The following ATAD2B variants were observed in gnomAD, a reference collection of about 807,000 sequenced individuals.
The protein encoded by ATAD2B is ATPase family AAA domain-containing protein 2B.
In ATAD2B, 40 loss-of-function variants were observed where a neutral mutation model predicts 167.6. That is an observed-to-expected ratio of 0.24 (90% CI 0.19 to 0.31). ATAD2B has a LOEUF of 0.31. Ranked by LOEUF, ATAD2B falls within the 10% of genes least tolerant of loss-of-function variation. The probability of loss-of-function intolerance (pLI) is 1.00; values close to 1 mark genes in which losing one functional copy is unlikely to be tolerated. For missense variants in ATAD2B, 1,242 were observed against 1,757.2 expected (o/e 0.71, Z 5.24); for synonymous variants, 579 against 596.5 (o/e 0.97, Z 0.43).
At chr2:23,712,106 G>A in the ATAD2B span, among the ~76,000 whole-genome samples, 102 of 152,250 alleles carry the variant, frequency 6.7e-4, no homozygotes, top group East Asian at 6.0e-3. Flanking sequence ...AGGCCACAGG[G>A]CCCTGAGACC....
chr2:23,869,631 A>C, intron 9 of ATAD2B, 32 bp downstream of exon 9: 2 of 1,427,128 alleles, frequency 1.4e-6, no homozygotes, highest in Non-Finnish European at 1.9e-6. Flanking sequence ...CCTTTTTTCT[A>C]CCATGGAAAT....
intron 14 of ATAD2B, chr2:23,832,499 A>T (rs747578986): frequency 1.0e-4 from 18 of 175,178 alleles, no homozygotes; most frequent in Non-Finnish European, 2.2e-4. Context: ...AATAAAATTT[A>T]AAATGCAGTT....
At chr2:23,872,659 G>C (rs1437613921) in intron 8 of ATAD2B, 4 of 1,346,780 alleles carry the variant, frequency 3.0e-6, no homozygotes, top group Non-Finnish European at 1.1e-6. Context: ...CATCATAGGA[G>C]AGCCTCCAGA....
chr2:23,820,950 A>C (rs968080362), intron 16 of ATAD2B, among the ~76,000 whole-genome samples: 4 of 152,214 alleles, frequency 2.6e-5, no homozygotes, highest in Admixed American at 6.5e-5. Flanking sequence ...CTCCGTCTCA[A>C]AACAAAAAAA....
At chr2:23,814,469 T>C (rs779887545) in intron 17 of ATAD2B, among the ~76,000 whole-genome samples, 6 of 152,124 alleles carry the variant, frequency 3.9e-5, no homozygotes, top group Admixed American at 2.0e-4. Context: ...TAGAGACTCA[T>C]AGAAGGCATT....
chr2:23,792,232 A>G (rs754056913), intron 19 of ATAD2B, among the ~76,000 whole-genome samples: 6 of 152,098 alleles, frequency 3.9e-5, no homozygotes, highest in Non-Finnish European at 5.9e-5. Flanking sequence ...TATTTTTAGT[A>G]GAGACGGGGT....
intron 6 of ATAD2B, chr2:23,883,718 T>C: frequency 1.5e-6 from 1 of 673,582 alleles, no homozygotes; most frequent in Non-Finnish European, 2.2e-6. Flanking sequence ...AAATATTAAC[T>C]ACAGAATTTT....
At chr2:23,872,376 C>T (rs1696128052) in intron 8 of ATAD2B, 3 of 664,634 alleles carry the variant, frequency 4.5e-6, no homozygotes, top group Non-Finnish European at 8.5e-6. Flanking sequence ...GAATACTAGT[C>T]GGCAGGTTCA....
chr2:23,805,975 G>A (rs184450978), intron 18 of ATAD2B, among the ~76,000 whole-genome samples: 44 of 152,098 alleles, frequency 2.9e-4, no homozygotes, highest in African/African-American at 1.0e-3. Flanking sequence ...CCCATATTTA[G>A]AAAACTTGTT....
At position 23,865,018 on chromosome 2, in the gene ATAD2B, CA is replaced by C. The variant is rs1050147153; in HGVS notation, c.1189-95del. 1.0e-4 allele frequency: 68 copies of C among 668,596 alleles called. No homozygotes were observed. In the Admixed American group the frequency reaches 1.1e-3, roughly 11 times the overall value. The allele number at this position is 668,596 out of a possible 1,614,324, so 41.4% of individuals were successfully genotyped here. On this transcript the variant is annotated intron_variant, in intron 10 of 27. Transcript: ENST00000238789. Reference sequence around the variant, plus strand: ...AAAAGAGTCTTACGATTCAGAAATACATGCCTTTAGCAGAAGCTTTTAAACA... The same window carrying C: ...AAAAGAGTCTTACGATTCAGAAATACTGCCTTTAGCAGAAGCTTTTAAACA...
chr2:23,826,975 C>T (rs2149691175), intron 15 of ATAD2B, among the ~76,000 whole-genome samples: 1 of 152,238 alleles, frequency 6.6e-6, no homozygotes, highest in East Asian at 1.9e-4. Context: ...GCATAAATTT[C>T]AATGAACTGA....
At chr2:23,820,382 A>G (rs555795634) in intron 16 of ATAD2B, among the ~76,000 whole-genome samples, 175 of 152,286 alleles carry the variant, frequency 1.1e-3, no homozygotes, top group Non-Finnish European at 1.6e-3. Context: ...ATTCCGTCAA[A>G]GCTAATCTTA....
intron 18 of ATAD2B, 127 bp from the exon 19 acceptor site, chr2:23,798,450 G>T: frequency 4.5e-6 from 3 of 667,546 alleles, no homozygotes; most frequent in East Asian, 3.0e-5. Context: ...CAAAATTTAA[G>T]TTCAAGATAT....
chr2:23,721,444 A>G, the ATAD2B span, among the ~76,000 whole-genome samples: 7 of 151,816 alleles, frequency 4.6e-5, no homozygotes, highest in Admixed American at 4.6e-4. Context: ...GCTGTGCACC[A>G]ATGTCCGTGG....
the ATAD2B span, among the ~76,000 whole-genome samples, chr2:23,685,740 TA>T: frequency 6.6e-6 from 1 of 152,152 alleles, no homozygotes; most frequent in Admixed American, 6.5e-5. Flanking sequence ...GCACAGGGGT[TA>T]GGGGCATGTG....
chr2:23,703,426 GC>G, the ATAD2B span: 1 of 1,400,366 alleles, frequency 7.1e-7, no homozygotes, highest in Non-Finnish European at 9.4e-7. Context: ...TCGCATCCCT[GC>G]CTTGCTGATT....
At chr2:23,786,859 TAA>T (rs1274624586) in intron 20 of ATAD2B, among the ~76,000 whole-genome samples, 1 of 152,106 alleles carries the variant, frequency 6.6e-6, no homozygotes, top group Non-Finnish European at 1.5e-5. Flanking sequence ...CTGATTTTCT[TAA>T]GTCAACCTTG....
the ATAD2B span, among the ~76,000 whole-genome samples, chr2:23,714,431 A>T: frequency 6.3e-4 from 92 of 145,790 alleles, no homozygotes; most frequent in Non-Finnish European, 1.1e-3. Flanking sequence ...TAGTAGAGAC[A>T]GGGTTTCACT....
intron 18 of ATAD2B, 40 bp downstream of exon 18, chr2:23,810,276 A>G (rs1447220703): frequency 2.0e-6 from 3 of 1,536,738 alleles, no homozygotes; most frequent in South Asian, 2.3e-5. Context: ...ATTATAAGCA[A>G]TAAGAAAGTT....
Sources: gnomAD v4.1 joint callset for allele counts (sites outside exome capture counted in the v4.1 genomes callset) on GRCh38, gnomAD v4.1.1 for gene constraint, MANE v1.5 for transcripts, NCBI Gene and HGNC (gene_info 2026-07-23, HGNC 2026-07-21) for gene names.